Variants in LY86 observed in about 807,000 individuals in gnomAD.
LY86 encodes the protein lymphocyte antigen 86.
A neutral mutation model predicts 17.3 loss-of-function variants in LY86; 20 were observed. That is an observed-to-expected ratio of 1.15 (90% CI 0.81 to 1.68). LY86 has a LOEUF of 1.68. LY86 is among the 40% of genes most tolerant of loss of function. The probability of loss-of-function intolerance (pLI) is 0.00; values close to 1 mark genes in which losing one functional copy is unlikely to be tolerated. For synonymous variants in LY86, 74 were observed against 70.6 expected, an observed-to-expected ratio of 1.05 and a Z score of -0.24; for missense variants, 200 against 191.9, an observed-to-expected ratio of 1.04 and a Z score of -0.25.
chr6:6,649,130 G>T (rs1051653803), intron 3 of LY86, among the ~76,000 whole-genome samples: 2 of 152,210 alleles, frequency 1.3e-5, no homozygotes, highest in Non-Finnish European at 2.9e-5. Context: ...AGGAGCAAAG[G>T]CACATCTTAT....
intron 1 of LY86, among the ~76,000 whole-genome samples, chr6:6,591,792 T>C (rs1038199974): frequency 6.6e-6 from 1 of 152,048 alleles, no homozygotes; most frequent in African/African-American, 2.4e-5. Context: ...AAACTCCCTG[T>C]GGTCTAGAGT....
chr6:6,604,952 C>G (rs1034593682), intron 1 of LY86, among the ~76,000 whole-genome samples: 2 of 151,444 alleles, frequency 1.3e-5, no homozygotes, highest in South Asian at 4.2e-4. Flanking sequence ...AACGTAGAAC[C>G]TAGAATTCTA....
At chr6:6,647,946 A>G (rs1762128344) in intron 3 of LY86, among the ~76,000 whole-genome samples, 1 of 151,426 alleles carries the variant, frequency 6.6e-6, no homozygotes, top group Admixed American at 6.6e-5. Context: ...TCTCCCAGAA[A>G]TAGAGCTCTT....
intron 1 of LY86, chr6:6,591,029 T>G (rs564166447): frequency 6.5e-6 from 1 of 153,526 alleles, no homozygotes. Context: ...TCAGGACCAC[T>G]AGTATCCCAT....
At chr6:6,605,282 T>A (rs1581235348) in intron 1 of LY86, among the ~76,000 whole-genome samples, 1 of 152,014 alleles carries the variant, frequency 6.6e-6, no homozygotes, top group Non-Finnish European at 1.5e-5. Context: ...CACCTCACAG[T>A]TTTTTTCCTC....
intron 3 of LY86, among the ~76,000 whole-genome samples, chr6:6,645,300 T>C (rs1762093126): frequency 6.6e-6 from 1 of 152,196 alleles, no homozygotes; most frequent in Non-Finnish European, 1.5e-5. Context: ...CCTGGGTAAA[T>C]AATAATATAG....
At chr6:6,648,720 C>T (rs577891611) in intron 3 of LY86, among the ~76,000 whole-genome samples, 1 of 151,950 alleles carries the variant, frequency 6.6e-6, no homozygotes, top group Non-Finnish European at 1.5e-5. Context: ...TTCCCCACCA[C>T]CCTAGGAAGT....
At chr6:6,641,714 C>T (rs1181795345) in intron 3 of LY86, among the ~76,000 whole-genome samples, 1 of 151,906 alleles carries the variant, frequency 6.6e-6, no homozygotes, top group Non-Finnish European at 1.5e-5. Flanking sequence ...CTAGCTCATC[C>T]ATGGTCTTGG....
chr6:6,617,902 G>A (rs755354256), intron 1 of LY86, among the ~76,000 whole-genome samples: 3 of 152,164 alleles, frequency 2.0e-5, no homozygotes, highest in Non-Finnish European at 4.4e-5. Flanking sequence ...GTGCAGTGGC[G>A]CGATCTCGGC....
chr6:6,628,955 A>G (rs1379482557), intron 3 of LY86, among the ~76,000 whole-genome samples: 1 of 152,244 alleles, frequency 6.6e-6, no homozygotes, highest in Non-Finnish European at 1.5e-5. Flanking sequence ...CTGGTCCTTC[A>G]AGTATAAGAA....
chr6:6,613,990 A>T (rs1274726284), intron 1 of LY86, among the ~76,000 whole-genome samples: 1 of 152,238 alleles, frequency 6.6e-6, no homozygotes, highest in Non-Finnish European at 1.5e-5. Context: ...TTTTTCATAC[A>T]GTTTATTCCT....
At chr6:6,647,759 C>G (rs1045107008) in intron 3 of LY86, among the ~76,000 whole-genome samples, 1 of 152,196 alleles carries the variant, frequency 6.6e-6, no homozygotes, top group African/African-American at 2.4e-5. Flanking sequence ...CTCAGGAGGT[C>G]CTGTCCTCTC....
intron 1 of LY86, among the ~76,000 whole-genome samples, chr6:6,605,404 A>G (rs1761080178): frequency 6.6e-6 from 1 of 152,234 alleles, no homozygotes; most frequent in South Asian, 2.1e-4. Flanking sequence ...ATGTGAGTAC[A>G]TCGCAATGAA....
intron 1 of LY86, among the ~76,000 whole-genome samples, chr6:6,604,556 A>G (rs1761035400): frequency 6.6e-6 from 1 of 152,244 alleles, no homozygotes; most frequent in South Asian, 2.1e-4. Flanking sequence ...GAGAAATAAA[A>G]CGAAAAATAT....
intron 1 of LY86, among the ~76,000 whole-genome samples, chr6:6,607,889 C>T (rs1003607756): frequency 2.6e-5 from 4 of 151,338 alleles, no homozygotes; most frequent in Non-Finnish European, 4.4e-5. Context: ...AATAAGACTC[C>T]ATCTCAAAAA....
intron 1 of LY86, among the ~76,000 whole-genome samples, chr6:6,593,705 T>G (rs904647502): frequency 6.6e-6 from 1 of 151,958 alleles, no homozygotes; most frequent in Non-Finnish European, 1.5e-5. Flanking sequence ...AAATTAGTTT[T>G]TAAGATGCTC....
chr6:6,605,951 T>TAAAAGAAGC (rs1761121202), intron 1 of LY86, among the ~76,000 whole-genome samples: 1 of 152,020 alleles, frequency 6.6e-6, no homozygotes, highest in Non-Finnish European at 1.5e-5. Flanking sequence ...TTATAACTCA[T>TAAAAGAAGC]AAAAGAAGCG....
chr6:6,612,000 A>ACACTATGAGTACTGAG (rs145548887), intron 1 of LY86, among the ~76,000 whole-genome samples: 85,963 of 151,752 alleles, frequency 0.57, 26,037 homozygotes, highest in East Asian at 0.78. Context: ...TGAGTACTGA[A>ACACTATGAGTACTGAG]CACTATGAAA....
At chr6:6,617,781 A>C (rs1761588430) in intron 1 of LY86, among the ~76,000 whole-genome samples, 1 of 152,146 alleles carries the variant, frequency 6.6e-6, no homozygotes, top group Admixed American at 6.5e-5. Flanking sequence ...CCTCTTGGTA[A>C]CACACAATAA....
Sources: gnomAD v4.1 joint callset for allele counts (sites outside exome capture counted in the v4.1 genomes callset) on GRCh38, gnomAD v4.1.1 for gene constraint, MANE v1.5 for transcripts, NCBI Gene and HGNC (gene_info 2026-07-23, HGNC 2026-07-21) for gene names.